The following E2F7 variants were observed in gnomAD, a reference collection of about 807,000 sequenced individuals.
E2F7 encodes the protein transcription factor E2F7.
Under a neutral mutation model 81.1 loss-of-function variants are expected in E2F7, and 35 were observed. The ratio of observed to expected loss-of-function variants is 0.43; its 90% CI spans 0.33 to 0.57. The LOEUF is 0.57. E2F7 is among the 20% of genes least tolerant of loss of function. The pLI is 0.04. For synonymous variants in E2F7, 416 were observed against 416.2 expected, an observed-to-expected ratio of 1.00 and a Z score of 0.01; for missense variants, 961 against 1,093.7, an observed-to-expected ratio of 0.88 and a Z score of 1.71.
At chr12:77,055,465 A>T (rs936701775) in intron 3 of E2F7, among the ~76,000 whole-genome samples, 4 of 152,048 alleles carry the variant, frequency 2.6e-5, no homozygotes, top group African/African-American at 9.7e-5. Flanking sequence ...CCCCAAACTA[A>T]CCAACTGAAC....
intron 7 of E2F7, among the ~76,000 whole-genome samples, chr12:77,036,356 T>C (rs59505377): frequency 0.24 from 36,574 of 151,786 alleles, 4,619 homozygotes; most frequent in Admixed American, 0.26. Flanking sequence ...TAGAAAACAG[T>C]GGAGCAACTT....
chr12:77,035,596 T>A (rs1954842542), intron 7 of E2F7, among the ~76,000 whole-genome samples: 1 of 152,208 alleles, frequency 6.6e-6, no homozygotes, highest in Non-Finnish European at 1.5e-5. Context: ...CATCACTGTT[T>A]CCATGTAACT....
At chr12:77,043,957 T>C (rs1228580187) in intron 6 of E2F7, among the ~76,000 whole-genome samples, 1 of 152,244 alleles carries the variant, frequency 6.6e-6, no homozygotes, top group Non-Finnish European at 1.5e-5. Flanking sequence ...GTTTGAATTA[T>C]CATCCAGAAA....
Position 77,048,365 on chromosome 12 carries a change from T to C in E2F7, c.539-2037A>G, listed in dbSNP as rs1954960297. 2.0e-5 allele frequency among the ~76,000 whole-genome samples: 3 copies of C among 152,204 alleles called. No homozygotes were observed. The South Asian group carries it at 6.2e-4, about 32-fold the overall frequency. ...CAGCATTAGTTATATGGTCAAGGATTTACTAATTTTTGCTATGCTTCCCTT... is the reference window on the plus strand; with the variant it reads ...CAGCATTAGTTATATGGTCAAGGATCTACTAATTTTTGCTATGCTTCCCTT... On this transcript the variant is annotated intron_variant, in intron 4 of 12. Transcript: ENST00000322886.
chr12:77,057,410 A>G (rs1304559038), intron 2 of E2F7, among the ~76,000 whole-genome samples: 9 of 151,876 alleles, frequency 5.9e-5, no homozygotes, highest in Non-Finnish European at 1.3e-4. Flanking sequence ...GGGTCTCACT[A>G]TGTTACCAAG....
In E2F7 at chr12:77,025,364, C is replaced by T. The variant is rs968414678; in HGVS notation, c.2565+194G>A. 7.2e-5 allele frequency among the ~76,000 whole-genome samples: 11 copies of T among 152,172 alleles called. 1 individual carries two copies. The highest frequency in any genetic ancestry group is 6.5e-4 in the Admixed American group (10 of 15,284). Reference sequence around the variant, plus strand: ...GACAACTAAAAACATACATTTTTGTCTTTAAAGCACAGGATCTCTCACCTC... The same window carrying T: ...GACAACTAAAAACATACATTTTTGTTTTTAAAGCACAGGATCTCTCACCTC... On this transcript the variant is annotated intron_variant, in intron 12 of 12. Coordinates refer to ENST00000322886, the MANE Select transcript of E2F7 (RefSeq NM_203394.3).
In E2F7 at chr12:77,024,024, G is replaced by C. The variant is rs536978653; in HGVS notation, c.2727C>G (p.Gly909=). The C allele has an allele frequency of 8.1e-6, 13 of 1,613,414 alleles. No individual in the cohort carries two copies. The highest frequency in any genetic ancestry group is 1.1e-5 in the Non-Finnish European group (13 of 1,179,900). ...CTGGCAAAGCGGCAGGTTAGTCAGC[G>C]CCGCCGCTGGGGATTTCTAGTCTCC... ...AQRRLEIPSG[G]AD is the part of the protein sequence containing the mutation. Residue 909 remains glycine (G), a synonymous_variant, in exon 13 of 13, where the codon GGC becomes GGG. Transcript: ENST00000322886.
At chr12:77,058,259 T>G (rs982475958) in intron 2 of E2F7, among the ~76,000 whole-genome samples, 13 of 152,194 alleles carry the variant, frequency 8.5e-5, no homozygotes, top group African/African-American at 2.7e-4. Flanking sequence ...TCATGTATTT[T>G]GCATGTATTG....
rs181037447 is a variant in E2F7 at position 77,045,252 on chromosome 12, G to A, written c.830-457C>T. Among the ~76,000 whole-genome samples, 11 of 152,198 alleles carry A rather than the reference G, an allele frequency of 7.2e-5. No individual in the cohort carries two copies. The East Asian group carries it at 1.4e-3, about 19-fold the overall frequency. ...TATACCCTAAACATAGAAGATGCCC[G>A]CCTCTTCCACTTCTTTTCAGAAATA... On this transcript the variant is annotated intron_variant, in intron 5 of 12. Coordinates refer to ENST00000322886, the MANE Select transcript of E2F7 (RefSeq NM_203394.3).
chr12:77,043,969 A>G (rs1954917383), intron 6 of E2F7, among the ~76,000 whole-genome samples: 1 of 152,244 alleles, frequency 6.6e-6, no homozygotes, highest in African/African-American at 2.4e-5. Flanking sequence ...ATCCAGAAAT[A>G]GGAAGCATTC....
rs184630091 is a variant in E2F7, at chr12:77,039,486, C to T, written c.1123+3579G>A. On this transcript the variant is annotated intron_variant, in intron 7 of 12. Transcript: ENST00000322886. ...TTCAGTAATAAGAAAGCAAACAACCCAATAGCAACAAATGGACAAAAAAAC... is the reference window on the plus strand; with the variant it reads ...TTCAGTAATAAGAAAGCAAACAACCTAATAGCAACAAATGGACAAAAAAAC... Among the ~76,000 whole-genome samples, 7 of 152,132 alleles carry T rather than the reference C, an allele frequency of 4.6e-5. No individual in the cohort carries two copies. In the East Asian group the frequency reaches 1.2e-3, roughly 25 times the overall value.
intron 12 of E2F7, 24 bp from the exon 13 acceptor site, chr12:77,024,209 C>G: frequency 6.2e-7 from 1 of 1,608,202 alleles, no homozygotes; most frequent in Non-Finnish European, 8.5e-7. Context: ...AAAGAAAAAA[C>G]AGAAGTGAAG....
rs1954723383 is a variant in E2F7, at chr12:77,022,721, G to A, written c.*1294C>T. The A allele has an allele frequency of 6.6e-6, 1 of 152,326 alleles. No homozygotes were observed. Among genetic ancestry groups the A allele is most frequent in the Non-Finnish European group, 1.5e-5 (1 of 68,010 alleles). The allele number at this position is 152,326 out of a possible 1,614,324, so 9.4% of individuals were successfully genotyped here. On this transcript the variant is annotated 3_prime_UTR_variant, in exon 13 of 13. Transcript: ENST00000322886. ...TTTACTCTGAAGAGACAAGAGAGAG[G>A]TAAATATCAGCAAGTCTAGGAATAC...
chr12:77,061,092 C>G (rs1592568811), intron 2 of E2F7, among the ~76,000 whole-genome samples: 1 of 152,114 alleles, frequency 6.6e-6, no homozygotes, highest in Non-Finnish European at 1.5e-5. Flanking sequence ...TCTTACAAAC[C>G]AAACCGCAAG....
chr12:77,023,869 T>G lies in E2F7; in HGVS notation c.*146A>C. 1.1e-6 allele frequency: 1 copy of G among 941,488 alleles called. No individual in the cohort carries two copies. The highest frequency in any genetic ancestry group is 1.6e-6 in the Non-Finnish European group (1 of 635,238). The allele number at this position is 941,488 out of a possible 1,614,324, so 58.3% of individuals were successfully genotyped here. The stretch of plus-strand genomic sequence containing the variant: ...AATTAATTACTTTCAGGAAATCAGA[T>G]GATTGATGGTGGTGGGAAGTTAACA... On this transcript the variant is annotated 3_prime_UTR_variant, in exon 13 of 13. Coordinates refer to ENST00000322886, the MANE Select transcript of E2F7 (RefSeq NM_203394.3).
rs561032506 is a variant in E2F7 at position 77,030,062 on chromosome 12, A to C, written c.1653T>G (p.Ser551=). 5.7e-5 allele frequency: 92 copies of C among 1,614,194 alleles called. No homozygotes were observed. The South Asian group carries it at 9.6e-4, about 17-fold the overall frequency. The change falls in exon 10 of 13, where the codon TCT becomes TCG. Residue 551 remains serine (S), a synonymous_variant. Coordinates refer to ENST00000322886, the MANE Select transcript of E2F7 (RefSeq NM_203394.3). The part of the protein sequence containing the change: ...LAGQPLVYVP[S]ASLFMLYGSL... ...TTCCATACAGCATGAACAGTGAGGCAGAGGGCACATACACTAGAGGCTGGC... is the reference window on the plus strand; with the variant it reads ...TTCCATACAGCATGAACAGTGAGGCCGAGGGCACATACACTAGAGGCTGGC...
At chr12:77,046,475 G>T in intron 4 of E2F7, 147 bp from the exon 5 acceptor site, 1 of 805,962 alleles carries the variant, frequency 1.2e-6, no homozygotes, top group Non-Finnish European at 1.9e-6. Flanking sequence ...AATTCAACCT[G>T]TAAGGATGCA....
intron 8 of E2F7, 113 bp downstream of exon 8, chr12:77,033,744 G>T: frequency 1.8e-6 from 2 of 1,125,588 alleles, no homozygotes; most frequent in Non-Finnish European, 2.5e-6. Flanking sequence ...GGAAAAAACA[G>T]CCAGGGCTGA....
intron 2 of E2F7, among the ~76,000 whole-genome samples, chr12:77,061,063 A>G (rs1307181449): frequency 6.6e-6 from 1 of 151,966 alleles, no homozygotes; most frequent in African/African-American, 2.4e-5. Flanking sequence ...GTGCCTTCTC[A>G]GCCTCCTTCT....
Sources: gnomAD v4.1 joint callset for allele counts (sites outside exome capture counted in the v4.1 genomes callset) on GRCh38, gnomAD v4.1.1 for gene constraint, MANE v1.5 for transcripts, NCBI Gene and HGNC (gene_info 2026-07-23, HGNC 2026-07-21) for gene names.